The following TEX10 variants were observed in gnomAD, a reference collection of about 807,000 sequenced individuals.
TEX10 encodes the protein testis-expressed protein 10.
Under a neutral mutation model 104.4 loss-of-function variants are expected in TEX10, and 24 were observed. That is an observed-to-expected ratio of 0.23 (90% CI 0.17 to 0.32). TEX10 has a LOEUF of 0.32. Among genes scored for constraint, TEX10 ranks in the 10% least tolerant of loss-of-function variants. The pLI, the probability that TEX10 is intolerant of heterozygous loss-of-function variation, is 1.00. For synonymous variants in TEX10, 396 were observed against 393.4 expected, an observed-to-expected ratio of 1.01 and a Z score of -0.08; for missense variants, 921 against 1,083.9, an observed-to-expected ratio of 0.85 and a Z score of 2.11.
intron 9 of TEX10, 150 bp downstream of exon 9, chr9:100,326,152 T>C: frequency 2.6e-6 from 2 of 758,614 alleles, no homozygotes; most frequent in Admixed American, 3.2e-5. Flanking sequence ...CTTGTGAACT[T>C]ACTCTACCTA....
At chr9:100,351,316 C>T (rs1410560612) in intron 1 of TEX10, among the ~76,000 whole-genome samples, 1 of 146,910 alleles carries the variant, frequency 6.8e-6, no homozygotes, top group African/African-American at 2.5e-5. Context: ...TCATTTGTCC[C>T]TATTACCAAA....
In TEX10 at chr9:100,347,378, T is replaced by C. The variant is rs756757535; in HGVS notation, c.209A>G (p.Asn70Ser). 2.5e-6 allele frequency: 4 copies of C among 1,601,732 alleles called. No individual in the cohort carries two copies. In the Admixed American group the frequency reaches 6.9e-5, roughly 28 times the overall value. Residue 70 changes from asparagine to serine, a missense_variant, in exon 3 of 15, where the codon AAT becomes AGT. By Grantham distance (46) the Asn-to-Ser change is conservative. Around this residue, in one of 3 missense-constraint regions of TEX10, gnomAD observed 118 missense variants for 111.3 expected, o/e 1.06. Coordinates refer to ENST00000374902, the MANE Select transcript of TEX10 (RefSeq NM_017746.4). ...AAGAGCACTTTGTTTAACCCCAGCA[T>C]TGTAGTGATGCATCTGTGACAGCAA... ...KDLLSQMHHY[N>S]AGVKQSALLG...
At chr9:100,313,909 G>A (rs889906271) in intron 11 of TEX10, among the ~76,000 whole-genome samples, 1 of 151,402 alleles carries the variant, frequency 6.6e-6, no homozygotes, top group African/African-American at 2.4e-5. Context: ...GCGTGTCCCT[G>A]TATGGTTTTG....
intron 9 of TEX10, among the ~76,000 whole-genome samples, chr9:100,325,765 G>A (rs532124824): frequency 8.7e-4 from 133 of 152,176 alleles, no homozygotes; most frequent in African/African-American, 3.1e-3. Context: ...TTCTGACCTC[G>A]TGATCTGCCC....
chr9:100,318,080 G>A (rs1371046385), intron 11 of TEX10, among the ~76,000 whole-genome samples: 1 of 152,078 alleles, frequency 6.6e-6, no homozygotes, highest in Non-Finnish European at 1.5e-5. Flanking sequence ...ACTGAAAATA[G>A]AACTACCACT....
At chr9:100,327,290 T>G (rs1193597543) in intron 8 of TEX10, among the ~76,000 whole-genome samples, 1 of 152,084 alleles carries the variant, frequency 6.6e-6, no homozygotes, top group African/African-American at 2.4e-5. Context: ...TTTTTTAAAA[T>G]TCATTGAACT....
chr9:100,339,113 G>C (rs772244579), intron 5 of TEX10, among the ~76,000 whole-genome samples: 2 of 150,470 alleles, frequency 1.3e-5, no homozygotes, highest in Non-Finnish European at 3.0e-5. Context: ...AATTAATCAG[G>C]CATGGTGGTG....
chr9:100,308,531 C>T lies in TEX10; in HGVS notation c.2434G>A (p.Glu812Lys). The part of the protein sequence containing the change: ...YSLLYFLLTI[E>K]KGEAEHLRKR... ...CTTAGATGTTCTGCTTCCCCTTTCTCTATAGTGAGCAGAAAATAAAGAAGA... is the reference window on the plus strand; with the variant it reads ...CTTAGATGTTCTGCTTCCCCTTTCTTTATAGTGAGCAGAAAATAAAGAAGA... Residue 812 changes from glutamate to lysine, a missense_variant, in exon 13 of 15, where the codon GAG becomes AAG. By Grantham distance (56) the Glu-to-Lys change is moderately conservative. This residue lies in a region of TEX10 where 753 missense variants were observed against 868.4 expected (regional missense o/e 0.87). Transcript: ENST00000374902. The T allele has an allele frequency of 6.2e-7, 1 of 1,607,100 alleles. No homozygotes were observed. The highest frequency in any genetic ancestry group is 8.5e-7 in the Non-Finnish European group (1 of 1,177,654).
At chr9:100,319,082 C>G (rs1488727102) in intron 11 of TEX10, among the ~76,000 whole-genome samples, 1 of 151,918 alleles carries the variant, frequency 6.6e-6, no homozygotes, top group Admixed American at 6.6e-5. Flanking sequence ...ATCCCAGCTA[C>G]TCAGGAGGCT....
intron 11 of TEX10, among the ~76,000 whole-genome samples, chr9:100,318,955 G>T (rs1436095987): frequency 6.6e-6 from 1 of 152,176 alleles, no homozygotes; most frequent in Non-Finnish European, 1.5e-5. Context: ...ACTTTGGGAA[G>T]CCAAGATGGG....
chr9:100,326,998 C>T (rs1160775663), intron 8 of TEX10, among the ~76,000 whole-genome samples: 1 of 152,010 alleles, frequency 6.6e-6, no homozygotes, highest in East Asian at 1.9e-4. Flanking sequence ...TACTACTCAA[C>T]AATAAAAAGG....
chr9:100,333,721 C>T (rs1345906194), intron 5 of TEX10, among the ~76,000 whole-genome samples: 1 of 150,080 alleles, frequency 6.7e-6, no homozygotes, highest in East Asian at 1.9e-4. Flanking sequence ...ATTTTCAAGA[C>T]TCCCAATAAA....
chr9:100,334,664 T>C (rs1299697435), intron 5 of TEX10, among the ~76,000 whole-genome samples: 2 of 117,144 alleles, frequency 1.7e-5, no homozygotes, highest in African/African-American at 7.1e-5. Flanking sequence ...CTCATTTTGT[T>C]CTTTTTTTTT....
At chr9:100,336,958 A>G (rs1835026264) in intron 5 of TEX10, among the ~76,000 whole-genome samples, 1 of 152,078 alleles carries the variant, frequency 6.6e-6, no homozygotes, top group African/African-American at 2.4e-5. Context: ...CCTCAATTTC[A>G]TCATCTCAAC....
At chr9:100,341,759 G>A (rs536614774) in intron 4 of TEX10, among the ~76,000 whole-genome samples, 1 of 152,312 alleles carries the variant, frequency 6.6e-6, no homozygotes, top group East Asian at 1.9e-4. Flanking sequence ...GATACAGGAA[G>A]GGGGAAAGGA....
intron 4 of TEX10, among the ~76,000 whole-genome samples, chr9:100,343,527 C>T (rs899776029): frequency 1.3e-5 from 2 of 150,942 alleles, no homozygotes; most frequent in African/African-American, 4.9e-5. Context: ...TCAGCCACTG[C>T]ATGTAAGACT....
chr9:100,317,822 G>A (rs1400559553), intron 11 of TEX10, among the ~76,000 whole-genome samples: 1 of 152,056 alleles, frequency 6.6e-6, no homozygotes, highest in Non-Finnish European at 1.5e-5. Flanking sequence ...TAGACAAAAG[G>A]ATATGAATGG....
chr9:100,350,373 T>TTC (rs1245959157), intron 1 of TEX10, among the ~76,000 whole-genome samples: 2 of 151,976 alleles, frequency 1.3e-5, no homozygotes, highest in African/African-American at 4.8e-5. Context: ...GACTCAAGAG[T>TTC]TCTCAGCTGT....
At chr9:100,330,207 T>C in intron 5 of TEX10, 38 bp from the exon 6 acceptor site, 1 of 1,389,552 alleles carries the variant, frequency 7.2e-7, no homozygotes, top group Non-Finnish European at 1.0e-6. Context: ...AAGCATTACG[T>C]CTACCATGCC....
Sources: gnomAD v4.1 joint callset for allele counts (sites outside exome capture counted in the v4.1 genomes callset) on GRCh38, gnomAD v4.1.1 for gene constraint, gnomAD v4.1.1 regional missense constraint, MANE v1.5 for transcripts, NCBI Gene and HGNC (gene_info 2026-07-23, HGNC 2026-07-21) for gene names.